The following CHN2 variants were observed in gnomAD, a reference collection of about 807,000 sequenced individuals.
The protein encoded by CHN2 is beta-chimaerin.
CHN2 carries 35 observed loss-of-function variants against 56.3 expected under a neutral mutation model. That is an observed-to-expected ratio of 0.62 (90% CI 0.47 to 0.82). The LOEUF is 0.82. CHN2 is among the 40% of genes least tolerant of loss of function. CHN2 has a pLI of 0.00. For synonymous variants in CHN2, 210 were observed against 212.8 expected (o/e 0.99, Z 0.12); for missense variants, 491 against 580.5 (o/e 0.85, Z 1.58).
chr7:29,427,720 G>A (rs776431490), intron 6 of CHN2, among the ~76,000 whole-genome samples: 5 of 145,800 alleles, frequency 3.4e-5, no homozygotes, highest in Non-Finnish European at 7.5e-5. Flanking sequence ...GCAGTGGCGC[G>A]ATCTTGTCTC....
At chr7:29,305,272 A>T (rs1332915697) in intron 1 of CHN2, among the ~76,000 whole-genome samples, 3 of 152,188 alleles carry the variant, frequency 2.0e-5, no homozygotes, top group Non-Finnish European at 4.4e-5. Flanking sequence ...GGTATAAAAG[A>T]TCCTTATCCA....
At chr7:29,463,530 G>A (rs1438494362) in intron 6 of CHN2, among the ~76,000 whole-genome samples, 2 of 152,144 alleles carry the variant, frequency 1.3e-5, no homozygotes, top group African/African-American at 4.8e-5. Context: ...TGGGTAAAAG[G>A]GCAGTTTCCT....
chr7:29,419,869 G>A (rs145710388), intron 6 of CHN2, among the ~76,000 whole-genome samples: 42 of 152,170 alleles, frequency 2.8e-4, no homozygotes, highest in African/African-American at 7.2e-4. Flanking sequence ...AGACCAGCCT[G>A]GCCAACATGG....
chr7:29,303,130 C>T (rs1468638900), intron 1 of CHN2, among the ~76,000 whole-genome samples: 8 of 152,180 alleles, frequency 5.3e-5, no homozygotes, highest in African/African-American at 1.9e-4. Context: ...CGTCTGTTTC[C>T]CTGTCCCCAG....
intron 1 of CHN2, among the ~76,000 whole-genome samples, chr7:29,320,703 T>G (rs1464374745): frequency 1.3e-5 from 2 of 152,174 alleles, no homozygotes; most frequent in African/African-American, 4.8e-5. Flanking sequence ...AGATGCCTAT[T>G]TCCCTGGGGT....
At chr7:29,159,884 A>G (rs1794943877) in intron 2 of CHN2, among the ~76,000 whole-genome samples, 1 of 152,262 alleles carries the variant, frequency 6.6e-6, no homozygotes, top group Non-Finnish European at 1.5e-5. Context: ...AGTGCCTGAC[A>G]TAAAATAATG....
chr7:29,234,112 C>T (rs565564276), intron 1 of CHN2, among the ~76,000 whole-genome samples: 3 of 151,730 alleles, frequency 2.0e-5, no homozygotes, highest in East Asian at 3.9e-4. Context: ...GGATTACAGG[C>T]GTGAGCCACC....
intron 6 of CHN2, among the ~76,000 whole-genome samples, chr7:29,402,187 G>A (rs1802274957): frequency 6.6e-6 from 1 of 152,128 alleles, no homozygotes; most frequent in Non-Finnish European, 1.5e-5. Context: ...AGGAGGGCGG[G>A]GTGGCACCGT....
chr7:29,447,058 C>T (rs924143853), intron 6 of CHN2, among the ~76,000 whole-genome samples: 1 of 152,194 alleles, frequency 6.6e-6, no homozygotes. Context: ...CAAACATACC[C>T]AGCGCCTGGC....
chr7:29,362,964 C>A (rs1409883610), intron 2 of CHN2, among the ~76,000 whole-genome samples: 1 of 152,134 alleles, frequency 6.6e-6, no homozygotes, highest in Non-Finnish European at 1.5e-5. Context: ...GCCACACTTC[C>A]CATATATCAC....
At chr7:29,440,466 G>A (rs1454827690) in intron 6 of CHN2, among the ~76,000 whole-genome samples, 1 of 151,978 alleles carries the variant, frequency 6.6e-6, no homozygotes, top group African/African-American at 2.4e-5. Context: ...CGAGGCGGGT[G>A]GATCACCTGA....
At chr7:29,148,506 CCT>C (rs1793093001) in intron 2 of CHN2, 2 of 152,026 alleles carry the variant, frequency 1.3e-5, no homozygotes, top group South Asian at 4.2e-4. Context: ...TTTCAGTTCC[CCT>C]GAGTGAAATA....
chr7:29,471,578 G>A (rs1786041403), intron 6 of CHN2, among the ~76,000 whole-genome samples: 1 of 125,038 alleles, frequency 8.0e-6, no homozygotes, highest in South Asian at 2.5e-4. Context: ...TTTTGAATGA[G>A]GCAAAATTGT....
intron 1 of CHN2, among the ~76,000 whole-genome samples, chr7:29,266,300 G>A (rs368117199): frequency 3.3e-5 from 5 of 152,072 alleles, no homozygotes; most frequent in African/African-American, 7.2e-5. Flanking sequence ...TCTTCATTCC[G>A]TCAACACCGA....
intron 1 of CHN2, 73 bp from the exon 2 acceptor site, chr7:29,354,552 C>T: frequency 1.5e-6 from 2 of 1,364,068 alleles, no homozygotes; most frequent in Non-Finnish European, 2.1e-6. Context: ...ACTGTTGTTC[C>T]TCCAGAGAAG....
At chr7:29,194,692 C>G (rs529507366), upstream of CHN2, 155 of 393,934 alleles carry the variant, frequency 3.9e-4, no homozygotes, top group Non-Finnish European at 5.9e-4. Flanking sequence ...CCACCTACCC[C>G]CTGACACCCA....
At chr7:29,198,235 G>A (rs916879193) in intron 1 of CHN2, among the ~76,000 whole-genome samples, 4 of 152,212 alleles carry the variant, frequency 2.6e-5, no homozygotes, top group African/African-American at 9.7e-5. Flanking sequence ...GTCAACATGG[G>A]TTATACCTCT....
At chr7:29,502,803 A>G (rs994335019) in intron 9 of CHN2, among the ~76,000 whole-genome samples, 38 of 152,024 alleles carry the variant, frequency 2.5e-4, no homozygotes, top group African/African-American at 9.2e-4. Flanking sequence ...AAATAGGTAT[A>G]CATGTGCCAT....
intron 1 of CHN2, among the ~76,000 whole-genome samples, chr7:29,257,593 C>T (rs1789177438): frequency 6.6e-6 from 1 of 152,060 alleles, no homozygotes; most frequent in Non-Finnish European, 1.5e-5. Flanking sequence ...GCATCCAATC[C>T]ATTGTCTTCT....
Sources: allele counts gnomAD v4.1 joint callset (sites outside exome capture counted in the v4.1 genomes callset), GRCh38; gene constraint gnomAD v4.1.1; transcripts MANE v1.5; gene names NCBI Gene and HGNC (gene_info 2026-07-23, HGNC 2026-07-21).